Variants in PIK3C2G observed in about 807,000 individuals in gnomAD.
PIK3C2G encodes the protein phosphatidylinositol 3-kinase C2 domain-containing subunit gamma.
In PIK3C2G, 168 loss-of-function variants were observed where a neutral mutation model predicts 181.1. That is an observed-to-expected ratio of 0.93 (90% CI 0.82 to 1.05). PIK3C2G has a LOEUF of 1.05. PIK3C2G is among the 50% of genes least tolerant of loss of function. The pLI is 0.00. For missense variants in PIK3C2G, 1,869 were observed against 1,732.8 expected, an observed-to-expected ratio of 1.08 and a Z score of -1.40; for synonymous variants, 573 against 592.2, an observed-to-expected ratio of 0.97 and a Z score of 0.47.
chr12:18,720,006 T>C, the PIK3C2G span, among the ~76,000 whole-genome samples: 2 of 152,152 alleles, frequency 1.3e-5, no homozygotes, highest in East Asian at 3.9e-4. Flanking sequence ...CCGACTAACT[T>C]CCCAGTCACT....
chr12:18,597,053 T>C (rs1238393136), intron 30 of PIK3C2G, among the ~76,000 whole-genome samples: 1 of 151,958 alleles, frequency 6.6e-6, no homozygotes, highest in Non-Finnish European at 1.5e-5. Context: ...AAGAAAAAGA[T>C]TAAAAAATGA....
chr12:18,581,924 G>T (rs1946522581), intron 29 of PIK3C2G, among the ~76,000 whole-genome samples: 2 of 152,118 alleles, frequency 1.3e-5, no homozygotes, highest in African/African-American at 4.8e-5. Context: ...CTGAGCAGGA[G>T]CAACCAGTTG....
At chr12:18,271,725 C>T (rs752595835) in intron 1 of PIK3C2G, among the ~76,000 whole-genome samples, 1 of 152,070 alleles carries the variant, frequency 6.6e-6, no homozygotes, top group African/African-American at 2.4e-5. Flanking sequence ...TCTTCTTAAT[C>T]TCTTAACCGT....
chr12:18,701,452 T>A, the PIK3C2G span: 68 of 1,610,662 alleles, frequency 4.2e-5, no homozygotes, highest in African/African-American at 8.2e-4. Context: ...AGAATAAAAT[T>A]AGAAAACTTT....
chr12:18,629,885 A>G (rs903024381), intron 31 of PIK3C2G, among the ~76,000 whole-genome samples: 3 of 152,216 alleles, frequency 2.0e-5, no homozygotes, highest in African/African-American at 7.2e-5. Context: ...TGCAATAGAT[A>G]ACAGGAACTA....
chr12:18,582,980 C>A (rs1386440129), intron 29 of PIK3C2G, among the ~76,000 whole-genome samples: 1 of 152,084 alleles, frequency 6.6e-6, no homozygotes, highest in Non-Finnish European at 1.5e-5. Context: ...TCTTTCACAG[C>A]TTTAGCTGTT....
intron 21 of PIK3C2G, among the ~76,000 whole-genome samples, chr12:18,496,487 T>C (rs1171621586): frequency 1.3e-5 from 2 of 152,168 alleles, no homozygotes; most frequent in African/African-American, 4.8e-5. Context: ...TAAATTGGGA[T>C]CAAAATTAAC....
At chr12:18,653,809 T>C in the PIK3C2G span, among the ~76,000 whole-genome samples, 1 of 152,066 alleles carries the variant, frequency 6.6e-6, no homozygotes, top group African/African-American at 2.4e-5. Context: ...ACATTTAAAA[T>C]AAAATATAGG....
At chr12:18,668,268 A>C in the PIK3C2G span, among the ~76,000 whole-genome samples, 1 of 152,230 alleles carries the variant, frequency 6.6e-6, no homozygotes. Flanking sequence ...TCACATTTTC[A>C]TTAAGTATTT....
In PIK3C2G at chr12:18,346,766, C is replaced by T. The variant is rs1403002974; in HGVS notation, c.1555C>T (p.Pro519Ser). Residue 519 changes from proline (P) to serine (S), a missense_variant, in exon 11 of 33, where the codon CCC (proline) becomes TCC (serine). Pro to Ser is a moderately conservative substitution (Grantham distance 74). Transcript: ENST00000538779. ...NVPRCTSYLN[P>S]GLPSHLSFTV... Reference sequence around the variant, plus strand: ...ACCTAGATGCACTTCCTATCTAAATCCCGGGCTTCCTTCCCACCTCAGCTT... The same window carrying T: ...ACCTAGATGCACTTCCTATCTAAATTCCGGGCTTCCTTCCCACCTCAGCTT... The T allele has an allele frequency of 3.1e-6, 5 of 1,613,598 alleles. No homozygotes were observed. The highest frequency in any genetic ancestry group is 2.2e-5 in the East Asian group (1 of 44,872).
intron 8 of PIK3C2G, among the ~76,000 whole-genome samples, chr12:18,326,938 A>G (rs2137510281): frequency 6.6e-6 from 1 of 152,226 alleles, no homozygotes; most frequent in African/African-American, 2.4e-5. Context: ...ACAAATTATT[A>G]ATAATTTATA....
downstream of PIK3C2G, among the ~76,000 whole-genome samples, chr12:18,649,628 C>T (rs1950331080): frequency 6.6e-6 from 1 of 152,072 alleles, no homozygotes. Context: ...CCAATTTTCT[C>T]TTAGAGCCAT....
Position 18,251,203 on chromosome 12 carries a change from T to G in PIK3C2G, c.-79+3121T>G, listed in dbSNP as rs140983437. ...GAACATCTGTGATGTTGCCTGAGAT[T>G]GTGAGTATTTATAGCACATTATTTA... is the stretch of plus-strand genomic sequence containing the variant. On this transcript the variant is annotated intron_variant, in intron 1 of 11. Transcript: ENST00000535651. 9.2e-5 allele frequency among the ~76,000 whole-genome samples: 14 copies of G among 152,124 alleles called. No individual in the cohort carries two copies. In the East Asian group the frequency reaches 2.3e-3, roughly 25 times the overall value.
At chr12:18,395,243 A>G (rs932061596) in intron 15 of PIK3C2G, among the ~76,000 whole-genome samples, 3 of 151,346 alleles carry the variant, frequency 2.0e-5, no homozygotes, top group East Asian at 3.9e-4. Context: ...ATCAGATAAA[A>G]TAAACAAATT....
chr12:18,318,703 C>T (rs1472391546), intron 6 of PIK3C2G, among the ~76,000 whole-genome samples: 1 of 151,340 alleles, frequency 6.6e-6, no homozygotes, highest in African/African-American at 2.4e-5. Flanking sequence ...AAGCTCAATT[C>T]ATCTTAGATA....
intron 28 of PIK3C2G, among the ~76,000 whole-genome samples, chr12:18,565,759 A>T (rs1296633540): frequency 6.6e-6 from 1 of 152,316 alleles, no homozygotes; most frequent in South Asian, 2.1e-4. Flanking sequence ...GTTTTAGTAC[A>T]TATATCTATA....
intron 1 of PIK3C2G, among the ~76,000 whole-genome samples, chr12:18,264,804 G>A (rs1948409597): frequency 6.6e-6 from 1 of 152,090 alleles, no homozygotes; most frequent in Admixed American, 6.6e-5. Context: ...AACTCTCTCT[G>A]GGCGTGGGGA....
intron 5 of PIK3C2G, among the ~76,000 whole-genome samples, chr12:18,302,803 C>G (rs1342846956): frequency 6.6e-6 from 1 of 152,074 alleles, no homozygotes; most frequent in Non-Finnish European, 1.5e-5. Context: ...CTTAGGAGTA[C>G]AAGCTGTGAT....
intron 16 of PIK3C2G, among the ~76,000 whole-genome samples, chr12:18,416,954 T>G (rs1945215956): frequency 6.6e-6 from 1 of 152,182 alleles, no homozygotes; most frequent in Non-Finnish European, 1.5e-5. Flanking sequence ...TGGATGGATC[T>G]GGGTAAATTG....
Sources: gnomAD v4.1 joint callset for allele counts (sites outside exome capture counted in the v4.1 genomes callset) on GRCh38, gnomAD v4.1.1 for gene constraint, MANE v1.5 for transcripts, NCBI Gene and HGNC (gene_info 2026-07-23, HGNC 2026-07-21) for gene names.